TTC28: variants seen among roughly 807,000 people sequenced by gnomAD.
The protein encoded by TTC28 is tetratricopeptide repeat domain 28.
Under a neutral mutation model 198.0 loss-of-function variants are expected in TTC28, and 61 were observed. The ratio of observed to expected loss-of-function variants is 0.31; its 90% CI spans 0.25 to 0.38. The LOEUF (loss-of-function observed/expected upper bound fraction) is 0.38. Ranked by LOEUF, TTC28 falls within the 10% of genes least tolerant of loss-of-function variation. The pLI is 1.00. For synonymous variants in TTC28, 1,171 were observed against 1,297.8 expected, an observed-to-expected ratio of 0.90 and a Z score of 2.10; for missense variants, 2,678 against 3,164.0, an observed-to-expected ratio of 0.85 and a Z score of 3.69.
At chr22:28,217,551 T>C (rs567003702) in intron 5 of TTC28, among the ~76,000 whole-genome samples, 5 of 152,204 alleles carry the variant, frequency 3.3e-5, no homozygotes, top group Non-Finnish European at 5.9e-5. Flanking sequence ...ACATTTATTG[T>C]CATTAGTGAA....
chr22:28,143,020 G>A (rs2146993476), intron 6 of TTC28, among the ~76,000 whole-genome samples: 1 of 152,288 alleles, frequency 6.6e-6, no homozygotes, highest in East Asian at 1.9e-4. Context: ...CGCATTTTCT[G>A]TTGGGACATA....
At chr22:28,368,680 T>C (rs190237774) in intron 2 of TTC28, among the ~76,000 whole-genome samples, 1 of 152,174 alleles carries the variant, frequency 6.6e-6, no homozygotes, top group East Asian at 1.9e-4. Context: ...TTAGAACTGA[T>C]AAACAAATTC....
intron 1 of TTC28, among the ~76,000 whole-genome samples, chr22:28,631,799 T>C (rs938168388): frequency 5.3e-5 from 8 of 152,276 alleles, no homozygotes; most frequent in East Asian, 1.9e-4. Flanking sequence ...CTGCTGGGAC[T>C]ACAGATGTGA....
chr22:28,485,434 T>A (rs562343912), intron 2 of TTC28, among the ~76,000 whole-genome samples: 1 of 152,282 alleles, frequency 6.6e-6, no homozygotes, highest in South Asian at 2.1e-4. Flanking sequence ...TTTGCCTAAT[T>A]CCTACTTCAC....
chr22:28,235,633 C>T (rs1232198769), intron 5 of TTC28, among the ~76,000 whole-genome samples: 1 of 152,182 alleles, frequency 6.6e-6, no homozygotes, highest in Non-Finnish European at 1.5e-5. Flanking sequence ...CCAGAACACA[C>T]ACAACTAAAT....
chr22:28,660,790 C>T (rs2051730524), intron 1 of TTC28, among the ~76,000 whole-genome samples: 1 of 148,802 alleles, frequency 6.7e-6, no homozygotes, highest in African/African-American at 2.5e-5. Context: ...TCCCAAAGTG[C>T]TGGGATTACA....
intron 2 of TTC28, among the ~76,000 whole-genome samples, chr22:28,422,127 C>G (rs547075914): frequency 6.6e-6 from 1 of 152,196 alleles, no homozygotes; most frequent in South Asian, 2.1e-4. Flanking sequence ...TCTGCTAAAT[C>G]AGCAGAGCAC....
chr22:28,408,482 G>A (rs568401289), intron 2 of TTC28, among the ~76,000 whole-genome samples: 9 of 151,902 alleles, frequency 5.9e-5, no homozygotes, highest in Non-Finnish European at 1.0e-4. Flanking sequence ...CCTCTGCTGC[G>A]CAGGTTCAAG....
At position 28,043,242 on chromosome 22, in the gene TTC28, C is replaced by CAAAAAAAAAAAAAAAAAAAAAAAAA. The variant is rs11362041; in HGVS notation, c.3933-12901_3933-12877dup. 2.3e-4 allele frequency among the ~76,000 whole-genome samples: 15 copies of CAAAAAAAAAAAAAAAAAAAAAAAAA among 65,568 alleles called. 1 individual carries two copies. The highest frequency in any genetic ancestry group is 3.1e-4 in the Non-Finnish European group (11 of 35,432). 43.0% of individuals were successfully genotyped at this position (65,568 alleles called of 152,430 possible). On this transcript the variant is annotated intron_variant, in intron 12 of 22. Coordinates refer to ENST00000397906, the MANE Select transcript of TTC28 (RefSeq NM_001145418.2). The stretch of plus-strand genomic sequence containing the variant: ...TGCATAACAGAGTAAGACTCCATCT[C>CAAAAAAAAAAAAAAAAAAAAAAAAA]AAAAAAAAAAAAAAAAAAAAAAAAA...
intron 2 of TTC28, among the ~76,000 whole-genome samples, chr22:28,418,432 G>A (rs976212887): frequency 7.9e-5 from 12 of 152,264 alleles, no homozygotes; most frequent in African/African-American, 2.9e-4. Flanking sequence ...AAAAATACAT[G>A]CTACAAAAAA....
At chr22:28,331,000 C>G (rs1452941998) in intron 2 of TTC28, among the ~76,000 whole-genome samples, 1 of 152,064 alleles carries the variant, frequency 6.6e-6, no homozygotes, top group Non-Finnish European at 1.5e-5. Context: ...TTATATTCAC[C>G]AGCCAATTCT....
intron 2 of TTC28, among the ~76,000 whole-genome samples, chr22:28,616,379 T>C (rs1292614706): frequency 1.3e-5 from 2 of 152,210 alleles, no homozygotes; most frequent in Non-Finnish European, 2.9e-5. Flanking sequence ...CTTGTCATAA[T>C]AAGCATTCAA....
chr22:28,455,502 T>A (rs1034999736), intron 2 of TTC28, among the ~76,000 whole-genome samples: 2 of 151,696 alleles, frequency 1.3e-5, no homozygotes, highest in African/African-American at 2.4e-5. Flanking sequence ...TCACCTGAGG[T>A]CAGGAGTTCA....
intron 5 of TTC28, among the ~76,000 whole-genome samples, chr22:28,212,172 C>G (rs1363815269): frequency 3.3e-5 from 5 of 151,932 alleles, no homozygotes; most frequent in Non-Finnish European, 7.4e-5. Flanking sequence ...CAAGAGAAAG[C>G]AGGAAAGTTC....
At chr22:28,661,548 T>C (rs2051747206) in intron 1 of TTC28, among the ~76,000 whole-genome samples, 1 of 151,924 alleles carries the variant, frequency 6.6e-6, no homozygotes, top group African/African-American at 2.4e-5. Context: ...GCCTCCTGAG[T>C]AGCTGGGACT....
chr22:28,170,774 G>A (rs1157952632), intron 5 of TTC28, among the ~76,000 whole-genome samples: 1 of 152,032 alleles, frequency 6.6e-6, no homozygotes, highest in Non-Finnish European at 1.5e-5. Flanking sequence ...CTTAGATTTG[G>A]ATGAGTCTCA....
intron 2 of TTC28, among the ~76,000 whole-genome samples, chr22:28,617,712 G>A (rs2050924518): frequency 6.6e-6 from 1 of 152,134 alleles, no homozygotes; most frequent in Non-Finnish European, 1.5e-5. Context: ...CTATACAATT[G>A]TGTTTGCATT....
At chr22:28,639,374 T>G (rs73432211) in intron 1 of TTC28, among the ~76,000 whole-genome samples, 1 of 152,194 alleles carries the variant, frequency 6.6e-6, no homozygotes, top group Admixed American at 6.5e-5. Flanking sequence ...TTACCCCCTC[T>G]CCATTCACCA....
intron 12 of TTC28, among the ~76,000 whole-genome samples, chr22:28,074,752 C>G (rs738473): frequency 1.8e-4 from 27 of 152,284 alleles, no homozygotes; most frequent in South Asian, 6.2e-4. Context: ...ATTATCCCCC[C>G]CCATGTACAA....
Sources: gnomAD v4.1 joint callset for allele counts (sites outside exome capture counted in the v4.1 genomes callset) on GRCh38, gnomAD v4.1.1 for gene constraint, MANE v1.5 for transcripts, NCBI Gene and HGNC (gene_info 2026-07-23, HGNC 2026-07-21) for gene names.